The following PDE6C variants were observed in gnomAD, a reference collection of about 807,000 sequenced individuals.
PDE6C encodes the protein cone cGMP-specific 3',5'-cyclic phosphodiesterase subunit alpha'.
PDE6C carries 75 observed loss-of-function variants against 113.1 expected under a neutral mutation model. The ratio of observed to expected loss-of-function variants is 0.66; its 90% CI spans 0.55 to 0.80. The LOEUF (loss-of-function observed/expected upper bound fraction) is 0.80. PDE6C is among the 30% of genes least tolerant of loss of function. The probability of loss-of-function intolerance (pLI) is 0.00; values close to 1 mark genes in which losing one functional copy is unlikely to be tolerated. For synonymous variants in PDE6C, 375 were observed against 363.7 expected, an observed-to-expected ratio of 1.03 and a Z score of -0.35; for missense variants, 912 against 1,038.6, an observed-to-expected ratio of 0.88 and a Z score of 1.67.
chr10:93,625,412 C>A (rs1180619210), intron 4 of PDE6C, among the ~76,000 whole-genome samples, 163 bp from the exon 5 acceptor site: 1 of 152,174 alleles, frequency 6.6e-6, no homozygotes, highest in Non-Finnish European at 1.5e-5. Context: ...TGTTAACAGT[C>A]AAAAATTCCT....
Position 93,665,350 on chromosome 10 carries a change from A to AT in PDE6C, c.2519-6dup. ...ACTCCTAATAATATTGCTTTCCTTG[A>AT]TTTTACTAGCTGCTGAAGATTCAGG... On this transcript the variant is annotated splice_polypyrimidine_tract_variant and intron_variant, in intron 21 of 21. Transcript: ENST00000371447. 6.2e-7 allele frequency: 1 copy of AT among 1,604,274 alleles called. No homozygotes were observed. The highest frequency in any genetic ancestry group is 8.5e-7 in the Non-Finnish European group (1 of 1,171,232).
intron 1 of PDE6C, among the ~76,000 whole-genome samples, chr10:93,617,038 G>C (rs1280724175): frequency 6.6e-6 from 1 of 152,172 alleles, no homozygotes; most frequent in Non-Finnish European, 1.5e-5. Flanking sequence ...TGGTTTAAAA[G>C]TCCTCCTTCC....
chr10:93,625,012 A>T lies in PDE6C; in HGVS notation c.865-563A>T, dbSNP rs151168409. The stretch of plus-strand genomic sequence containing the variant: ...TACCTTTTGCCAGTAGTCCCTCAGC[A>T]GACTTCTCCCCCTTCTTCAATGTCC... On this transcript the variant is annotated intron_variant, in intron 4 of 21. Coordinates refer to ENST00000371447, the MANE Select transcript of PDE6C (RefSeq NM_006204.4). 3.2e-3 allele frequency among the ~76,000 whole-genome samples: 487 copies of T among 152,306 alleles called. 3 individuals are homozygous for T. Among genetic ancestry groups the T allele is most frequent in the Admixed American group, 2.4e-3 (36 of 15,300 alleles).
intron 16 of PDE6C, 56 bp from the exon 17 acceptor site, chr10:93,658,845 A>T: frequency 9.6e-7 from 1 of 1,042,924 alleles, no homozygotes; most frequent in African/African-American, 1.6e-5. Flanking sequence ...TATTTAAGAT[A>T]TTTTTTCTCT....
Position 93,620,905 on chromosome 10 carries a change from C to T in PDE6C, c.648C>T (p.Tyr216=), listed in dbSNP as rs2058442574. 3.1e-6 allele frequency: 5 copies of T among 1,613,980 alleles called. No homozygotes were observed. Among genetic ancestry groups the T allele is most frequent in the Non-Finnish European group, 4.2e-6 (5 of 1,179,892 alleles). The change falls in exon 3 of 22, where the codon TAC becomes TAT. Residue 216 remains tyrosine (Y), a synonymous_variant. Coordinates refer to ENST00000371447, the MANE Select transcript of PDE6C (RefSeq NM_006204.4). ...SKQDEEVFSK[Y]LNFVSIILRL... ...GCCGTCTGTAGGTCTTTTCCAAATA[C>T]CTCAACTTTGTGTCTATCATCCTAA...
At chr10:93,640,679 T>C (rs1196100590) in intron 13 of PDE6C, 122 bp downstream of exon 13, 2 of 788,690 alleles carry the variant, frequency 2.5e-6, no homozygotes, top group Admixed American at 3.7e-5. Flanking sequence ...CAAACCCCTC[T>C]CCGCTGCAGA....
chr10:93,655,629 G>C (rs1237163837), intron 15 of PDE6C, 131 bp from the exon 16 acceptor site: 3 of 459,508 alleles, frequency 6.5e-6, no homozygotes, highest in Admixed American at 7.2e-5. Flanking sequence ...AAAAAAAAAA[G>C]GAAGGAAAAC....
At chr10:93,622,649 TGTTTTTTTTTTTG>T (rs1370372742) in intron 4 of PDE6C, among the ~76,000 whole-genome samples, 1 of 70,294 alleles carries the variant, frequency 1.4e-5, no homozygotes, top group Admixed American at 1.4e-4. Flanking sequence ...GTTTTTTTTT[TGTTTTTTTTTTTG>T]TTGTTTTTTT....
intron 7 of PDE6C, among the ~76,000 whole-genome samples, chr10:93,628,367 C>T (rs2058483844): frequency 6.6e-6 from 1 of 152,062 alleles, no homozygotes; most frequent in Admixed American, 6.6e-5. Flanking sequence ...GGTGGATTGC[C>T]TGAGGTCAAG....
At position 93,640,018 on chromosome 10, in the gene PDE6C, A is replaced by G. The variant is rs548556033; in HGVS notation, c.1483-52A>G. 70 of 1,605,860 alleles carry G rather than the reference A, an allele frequency of 4.4e-5. No homozygotes were observed. In the African/African-American group the frequency reaches 5.5e-4, roughly 13 times the overall value. ...CACCCAATGTTGGCTATGGGAGTGG[A>G]AAGGGAAAACAGATGAATGTAATCT... On this transcript the variant is annotated intron_variant, in intron 11 of 21. Coordinates refer to ENST00000371447, the MANE Select transcript of PDE6C (RefSeq NM_006204.4).
chr10:93,625,709 AG>A, intron 5 of PDE6C, 60 bp downstream of exon 5: 1 of 1,158,968 alleles, frequency 8.6e-7, no homozygotes, highest in South Asian at 1.2e-5. Flanking sequence ...TAAAATTAAG[AG>A]GCCACAGTGC....
intron 15 of PDE6C, among the ~76,000 whole-genome samples, chr10:93,651,726 C>G (rs1418520475): frequency 6.6e-6 from 1 of 152,210 alleles, no homozygotes; most frequent in East Asian, 1.9e-4. Context: ...TATTTGGGAT[C>G]TGGCCATTGC....
At chr10:93,629,617 C>T (rs1480823072) in intron 8 of PDE6C, among the ~76,000 whole-genome samples, 1 of 152,128 alleles carries the variant, frequency 6.6e-6, no homozygotes, top group Non-Finnish European at 1.5e-5. Flanking sequence ...ACAATTTTTC[C>T]ACAGAATGAG....
At chr10:93,654,778 CTT>C (rs752229142) in intron 15 of PDE6C, among the ~76,000 whole-genome samples, 1 of 60,344 alleles carries the variant, frequency 1.7e-5, no homozygotes, top group African/African-American at 6.0e-5. Context: ...TTCTTTCTTT[CTT>C]TCTTTCTTTC....
intron 8 of PDE6C, among the ~76,000 whole-genome samples, chr10:93,631,307 G>A (rs2058500502): frequency 6.6e-6 from 1 of 152,198 alleles, no homozygotes; most frequent in Admixed American, 6.5e-5. Flanking sequence ...ATGGCTGCTG[G>A]CCTGAAATCC....
chr10:93,620,623 C>A lies in PDE6C; in HGVS notation c.481-9C>A. 2 of 1,613,934 alleles carry A rather than the reference C, an allele frequency of 1.2e-6. No individual in the cohort carries two copies. Among genetic ancestry groups the A allele is most frequent in the South Asian group, 2.2e-5 (2 of 91,066 alleles). ...GCCACTTTGACAAATATGTGACTGT[C>A]TCTTTCAGAACAGCCATTTTTCTGA... On this transcript the variant is annotated splice_polypyrimidine_tract_variant and intron_variant, in intron 1 of 21. Coordinates refer to ENST00000371447, the MANE Select transcript of PDE6C (RefSeq NM_006204.4).
At chr10:93,646,249 C>A (rs1589701624) in intron 15 of PDE6C, among the ~76,000 whole-genome samples, 1 of 152,040 alleles carries the variant, frequency 6.6e-6, no homozygotes, top group African/African-American at 2.4e-5. Context: ...GTGAAGAGAG[C>A]CATGGAAAGT....
At position 93,662,123 on chromosome 10, in the gene PDE6C, A is replaced by G; in HGVS notation, c.2273A>G (p.Gln758Arg). 6.2e-7 allele frequency: 1 copy of G among 1,602,372 alleles called. No homozygotes were observed. Among genetic ancestry groups the G allele is most frequent in the South Asian group, 1.1e-5 (1 of 90,812 alleles). The change falls in exon 19 of 22, where the codon CAA (glutamine) becomes CGA (arginine). Residue 758 changes from glutamine (Q) to arginine (R), a missense_variant. Physicochemically the swap from Gln to Arg is conservative, Grantham distance 43. Coordinates refer to ENST00000371447, the MANE Select transcript of PDE6C (RefSeq NM_006204.4). ...QGDLERTVLQQQPIPMMDRNK... is the reference protein window; with the variant it reads ...QGDLERTVLQRQPIPMMDRNK... ...GATCTGGAGAGAACAGTGTTGCAGCAACAACCCATTGTAAGACCTTGACAT... is the reference window on the plus strand; with the variant it reads ...GATCTGGAGAGAACAGTGTTGCAGCGACAACCCATTGTAAGACCTTGACAT...
chr10:93,657,823 T>G (rs2058645944), intron 16 of PDE6C, among the ~76,000 whole-genome samples: 1 of 152,068 alleles, frequency 6.6e-6, no homozygotes, highest in East Asian at 1.9e-4. Flanking sequence ...TCATGCTACA[T>G]TACAAAACTG....
Sources: allele counts gnomAD v4.1 joint callset (sites outside exome capture counted in the v4.1 genomes callset), GRCh38; gene constraint gnomAD v4.1.1; transcripts MANE v1.5; gene names NCBI Gene and HGNC (gene_info 2026-07-23, HGNC 2026-07-21).